Variants in SGK3 observed in about 807,000 individuals in gnomAD.
The protein encoded by SGK3 is serine/threonine-protein kinase Sgk3.
In SGK3, 47 loss-of-function variants were observed where a neutral mutation model predicts 68.5. The ratio of observed to expected loss-of-function variants is 0.69; its 90% CI spans 0.54 to 0.87. The LOEUF is 0.87. Among genes scored for constraint, SGK3 ranks in the 40% least tolerant of loss-of-function variants. SGK3 has a pLI of 0.00. For synonymous variants in SGK3, 181 were observed against 189.1 expected, an observed-to-expected ratio of 0.96 and a Z score of 0.35; for missense variants, 479 against 575.5, an observed-to-expected ratio of 0.83 and a Z score of 1.72.
intron 1 of SGK3, among the ~76,000 whole-genome samples, chr8:66,715,233 G>A (rs1477581073): frequency 1.3e-5 from 2 of 151,748 alleles, no homozygotes; most frequent in Non-Finnish European, 2.9e-5. Context: ...TTATGTTTAT[G>A]TTGACAGCTT....
rs145497067 is a variant in SGK3, at chr8:66,738,480, C to T, written c.-122+25647C>T. 2.9e-3 allele frequency among the ~76,000 whole-genome samples: 445 copies of T among 152,298 alleles called. 3 individuals carry two copies. Among genetic ancestry groups the T allele is most frequent in the African/African-American group, 0.01 (433 of 41,566 alleles). On this transcript the variant is annotated intron_variant, in intron 1 of 16. Transcript: ENST00000521198. ...CATGGCTCGTTAGCCACATTGTGAT[C>T]CTCTGACTTCTGCTTATCTACTGGC...
At chr8:66,768,112 T>C (rs1806383314) in intron 1 of SGK3, 1 of 440,632 alleles carries the variant, frequency 2.3e-6, no homozygotes. Context: ...CTTACACTTA[T>C]AGGATATATC....
chr8:66,839,496 GAGATATATATATATATAT>G (rs1809679878), intron 10 of SGK3, among the ~76,000 whole-genome samples: 1 of 43,228 alleles, frequency 2.3e-5, no homozygotes, highest in South Asian at 8.1e-4. Context: ...TATATGTATG[GAGATATATATATATATAT>G]ATATATATAT....
At chr8:66,779,712 G>A (rs1806899054) in intron 1 of SGK3, among the ~76,000 whole-genome samples, 3 of 148,390 alleles carry the variant, frequency 2.0e-5, no homozygotes. Flanking sequence ...TTTTTGAAAT[G>A]TTAAAATATT....
chr8:66,799,388 A>G (rs1807833778), intron 3 of SGK3, among the ~76,000 whole-genome samples: 1 of 152,176 alleles, frequency 6.6e-6, no homozygotes. Flanking sequence ...ATAGCAAGAC[A>G]CCATCTAAAA....
chr8:66,793,986 T>A (rs76438442), intron 2 of SGK3, among the ~76,000 whole-genome samples, 154 bp downstream of exon 2: 2 of 152,384 alleles, frequency 1.3e-5, no homozygotes, highest in East Asian at 3.8e-4. Flanking sequence ...CAAAGTCTTC[T>A]GTGGCTACCG....
chr8:66,760,677 T>C (rs1168617806), intron 1 of SGK3, among the ~76,000 whole-genome samples: 1 of 152,148 alleles, frequency 6.6e-6, no homozygotes, highest in Admixed American at 6.5e-5. Context: ...TACTTAAGTT[T>C]GGCAAATACC....
chr8:66,853,162 C>CT (rs1810360812), intron 16 of SGK3, among the ~76,000 whole-genome samples: 1 of 152,056 alleles, frequency 6.6e-6, no homozygotes, highest in Non-Finnish European at 1.5e-5. Context: ...TCTTTTCCCT[C>CT]TGGGAATGTT....
Position 66,744,910 on chromosome 8 carries a change from C to G in SGK3, c.-122+32077C>G, listed in dbSNP as rs1805608309. 2.0e-5 allele frequency among the ~76,000 whole-genome samples: 3 copies of G among 149,184 alleles called. No individual in the cohort carries two copies. In the Admixed American group the frequency reaches 2.0e-4, roughly 10 times the overall value. On this transcript the variant is annotated intron_variant, in intron 1 of 16. Coordinates refer to ENST00000521198, the MANE Select transcript of SGK3 (RefSeq NM_001033578.3). The stretch of plus-strand genomic sequence containing the variant: ...TCTTGCCAACCTTGGCATTTTTTGT[C>G]TGTTTTCTGTAAGTCTTTGTCAATT...
chr8:66,762,399 C>T (rs1806200458), intron 1 of SGK3, among the ~76,000 whole-genome samples: 1 of 152,128 alleles, frequency 6.6e-6, no homozygotes, highest in Non-Finnish European at 1.5e-5. Context: ...TGCCTTTAAT[C>T]CCAGGTACTC....
At chr8:66,837,949 G>T (rs1312296817) in intron 10 of SGK3, among the ~76,000 whole-genome samples, 1 of 152,150 alleles carries the variant, frequency 6.6e-6, no homozygotes, top group Non-Finnish European at 1.5e-5. Context: ...ATTTATTGAG[G>T]CTTGGCACTT....
In SGK3 at chr8:66,776,421, T is replaced by C. The variant is rs570173644; in HGVS notation, c.-121-17195T>C. ...GCTATTTTGGGTGGATGCTTATTTG[T>C]ACTATTATTGCAAAACTAAGTAAAC... On this transcript the variant is annotated intron_variant, in intron 1 of 16. Transcript: ENST00000521198. 1.1e-4 allele frequency among the ~76,000 whole-genome samples: 17 copies of C among 152,346 alleles called. No homozygotes were observed. The South Asian group carries it at 3.1e-3, about 28-fold the overall frequency.
At chr8:66,729,080 G>A (rs1438213121) in intron 1 of SGK3, among the ~76,000 whole-genome samples, 2 of 151,798 alleles carry the variant, frequency 1.3e-5, no homozygotes, top group African/African-American at 4.8e-5. Flanking sequence ...TTAGCTGGGC[G>A]TGGTGGTGGG....
chr8:66,766,661 G>A (rs930408401), intron 1 of SGK3, among the ~76,000 whole-genome samples: 14 of 152,172 alleles, frequency 9.2e-5, no homozygotes, highest in African/African-American at 2.9e-4. Context: ...AATTGTGGGT[G>A]TGTCTATTTC....
chr8:66,819,737 TAA>T (rs925564296), intron 5 of SGK3, among the ~76,000 whole-genome samples: 13 of 152,180 alleles, frequency 8.5e-5, no homozygotes, highest in Non-Finnish European at 1.8e-4. Flanking sequence ...TTTATTAAGT[TAA>T]AAATTCACCA....
In SGK3 at chr8:66,736,768, T is replaced by C. The variant is rs576183534; in HGVS notation, c.-122+23935T>C. 1.5e-3 allele frequency among the ~76,000 whole-genome samples: 235 copies of C among 152,116 alleles called. 1 individual carries two copies. The highest frequency in any genetic ancestry group is 5.0e-3 in the African/African-American group (207 of 41,504). ...CCGAGTGACTGGGATTATAGGTGTG[T>C]GCCACCATGCCCAGCTAATTTTGTA... On this transcript the variant is annotated intron_variant, in intron 1 of 16. Transcript: ENST00000521198.
chr8:66,718,197 G>T (rs1804692943), intron 1 of SGK3, among the ~76,000 whole-genome samples: 1 of 149,778 alleles, frequency 6.7e-6, no homozygotes, highest in Admixed American at 6.7e-5. Context: ...GGCTAATTTT[G>T]TATTTTTAGT....
intron 1 of SGK3, among the ~76,000 whole-genome samples, chr8:66,771,686 A>G (rs958280802): frequency 4.6e-5 from 7 of 152,176 alleles, no homozygotes; most frequent in African/African-American, 9.7e-5. Context: ...ATTTCCATGA[A>G]AAAGAAAAGA....
At chr8:66,720,423 A>G (rs534207543) in intron 1 of SGK3, among the ~76,000 whole-genome samples, 4 of 152,148 alleles carry the variant, frequency 2.6e-5, no homozygotes, top group African/African-American at 9.7e-5. Flanking sequence ...GCTTGAGCTC[A>G]GGAGTTTGAG....
Sources: allele counts gnomAD v4.1 joint callset (sites outside exome capture counted in the v4.1 genomes callset), GRCh38; gene constraint gnomAD v4.1.1; transcripts MANE v1.5; gene names NCBI Gene and HGNC (gene_info 2026-07-23, HGNC 2026-07-21).